OR9Q1: variants seen among roughly 807,000 people sequenced by gnomAD.
OR9Q1 encodes the protein olfactory receptor family 9 subfamily Q member 1.
For synonymous variants in OR9Q1, 153 were observed against 148.6 expected, an observed-to-expected ratio of 1.03 and a Z score of -0.22; for missense variants, 374 against 378.8, an observed-to-expected ratio of 0.99 and a Z score of 0.11.
rs556974291 is a variant in OR9Q1, at chr11:58,056,293, A to G, written c.-15+346A>G. On this transcript the variant is annotated intron_variant, in intron 2 of 2. Coordinates refer to ENST00000335397, the MANE Select transcript of OR9Q1 (RefSeq NM_001005212.4). ...AGAGCCAGTTCTCTCTGTTGGACCT[A>G]GACCTCTGGTATCTTTAATAAGAGT... 4.5e-4 allele frequency among the ~76,000 whole-genome samples: 69 copies of G among 152,274 alleles called. 2 individuals carry two copies. In the South Asian group the frequency reaches 0.014, roughly 31 times the overall value.
intron 2 of OR9Q1, among the ~76,000 whole-genome samples, chr11:58,071,490 A>G (rs1277158882): frequency 1.3e-5 from 2 of 151,994 alleles, no homozygotes; most frequent in Non-Finnish European, 2.9e-5. Flanking sequence ...TAAAAAAAAA[A>G]TAAAATAAAA....
At chr11:58,037,110 C>A (rs940528867) in intron 1 of OR9Q1, among the ~76,000 whole-genome samples, 8 of 152,194 alleles carry the variant, frequency 5.3e-5, no homozygotes, top group African/African-American at 1.9e-4. Context: ...TCAGCAACCA[C>A]CACCCTGATT....
At chr11:58,116,967 T>C (rs1206265738) in intron 2 of OR9Q1, 1 of 152,208 alleles carries the variant, frequency 6.6e-6, no homozygotes, top group Non-Finnish European at 1.5e-5. Flanking sequence ...CCTTTCCAGG[T>C]AAGTACTCGT....
At chr11:58,027,123 G>A (rs1009965685) in intron 1 of OR9Q1, among the ~76,000 whole-genome samples, 3 of 152,202 alleles carry the variant, frequency 2.0e-5, no homozygotes, top group Admixed American at 2.0e-4. Flanking sequence ...AGGGTAGGGG[G>A]AGCAGTAAGG....
intron 1 of OR9Q1, among the ~76,000 whole-genome samples, chr11:58,053,632 A>ATATATATATTATATATACATAAAT: frequency 8.4e-6 from 1 of 118,682 alleles, no homozygotes; most frequent in South Asian, 2.5e-4. Context: ...TATATAAAAT[A>ATATATATATTATATATACATAAAT]TATATATATA....
intron 2 of OR9Q1, among the ~76,000 whole-genome samples, chr11:58,062,370 A>G (rs1162534091): frequency 2.0e-5 from 3 of 152,200 alleles, no homozygotes; most frequent in Non-Finnish European, 4.4e-5. Flanking sequence ...TGATTGGGTT[A>G]TCATCTATCT....
At chr11:58,057,026 A>C (rs1853335569) in intron 2 of OR9Q1, among the ~76,000 whole-genome samples, 2 of 115,850 alleles carry the variant, frequency 1.7e-5, no homozygotes, top group African/African-American at 3.5e-5. Flanking sequence ...ATGGAGTCTC[A>C]CTCTGTCACC....
chr11:58,136,720 A>G (rs990345421), intron 2 of OR9Q1, among the ~76,000 whole-genome samples: 2 of 152,194 alleles, frequency 1.3e-5, no homozygotes, highest in Non-Finnish European at 2.9e-5. Flanking sequence ...TCTTTAAAAT[A>G]TTCCTCTGCC....
chr11:58,180,287 C>G lies in OR9Q1; in HGVS notation c.843C>G (p.Ile281Met), dbSNP rs201750936. 1 of 1,613,846 alleles carries G rather than the reference C, an allele frequency of 6.2e-7. No individual in the cohort carries two copies. The highest frequency in any genetic ancestry group is 8.5e-7 in the Non-Finnish European group (1 of 1,179,772). ...TGTCTGTGCTTTACACAGAGGTCAT[C>G]CCCATGTTGAATCCCCTCATCTACA... Reference protein sequence around the residue: ...RVVSVLYTEVIPMLNPLIYSL... With the variant: ...RVVSVLYTEVMPMLNPLIYSL... The change falls in exon 3 of 3, where the codon ATC becomes ATG. Residue 281 changes from isoleucine (I) to methionine (M), a missense_variant. Physicochemically the swap from Ile to Met is conservative, Grantham distance 10 (BLOSUM62 1). Coordinates refer to ENST00000335397, the MANE Select transcript of OR9Q1 (RefSeq NM_001005212.4).
rs150069427 is a variant in OR9Q1 at position 58,094,450 on chromosome 11, A to G, written c.-15+38503A>G. Among the ~76,000 whole-genome samples the G allele has an allele frequency of 4.1e-4, 63 of 152,316 alleles. No homozygotes were observed. The East Asian group carries it at 0.01, about 24-fold the overall frequency. ...TTAAGTTTATATAATACCGCCCTCA[A>G]AATACATCTACAACAAAACAGTGTT... On this transcript the variant is annotated intron_variant, in intron 2 of 2. Coordinates refer to ENST00000335397, the MANE Select transcript of OR9Q1 (RefSeq NM_001005212.4).
intron 1 of OR9Q1, among the ~76,000 whole-genome samples, chr11:58,035,634 T>G (rs1049836417): frequency 6.6e-6 from 1 of 152,170 alleles, no homozygotes; most frequent in African/African-American, 2.4e-5. Flanking sequence ...AAGACATATT[T>G]TCCTTAGGGG....
At position 58,026,133 on chromosome 11, in the gene OR9Q1, A is replaced by G. The variant is rs183703722; in HGVS notation, c.-93+2029A>G. 2.0e-3 allele frequency among the ~76,000 whole-genome samples: 306 copies of G among 152,346 alleles called. 2 individuals are homozygous for G. The highest frequency in any genetic ancestry group is 1.7e-3 in the Non-Finnish European group (114 of 68,036). On this transcript the variant is annotated intron_variant, in intron 1 of 2. Coordinates refer to ENST00000335397, the MANE Select transcript of OR9Q1 (RefSeq NM_001005212.4). ...ATCTTTCCTAAAAGACACAGTTCTT[A>G]AAAGGCAGGACTTGCAACTCATTTT... is the stretch of plus-strand genomic sequence containing the variant.
chr11:58,148,705 T>A (rs1175072083), intron 2 of OR9Q1, among the ~76,000 whole-genome samples: 1 of 152,184 alleles, frequency 6.6e-6, no homozygotes, highest in African/African-American at 2.4e-5. Flanking sequence ...AGTTTTTGAA[T>A]CTCATTTTGC....
chr11:58,145,900 G>A (rs1347162192), intron 2 of OR9Q1, among the ~76,000 whole-genome samples: 3 of 151,976 alleles, frequency 2.0e-5, no homozygotes, highest in Non-Finnish European at 4.4e-5. Flanking sequence ...TATCAGCTTT[G>A]ATGAAAGAAA....
At chr11:58,065,867 C>T (rs558821397) in intron 2 of OR9Q1, among the ~76,000 whole-genome samples, 1 of 152,288 alleles carries the variant, frequency 6.6e-6, no homozygotes, top group South Asian at 2.1e-4. Context: ...GTTCCTACTG[C>T]CGGGTCTTGG....
intron 2 of OR9Q1, among the ~76,000 whole-genome samples, chr11:58,083,332 G>C (rs1590578917): frequency 6.6e-6 from 1 of 151,738 alleles, no homozygotes; most frequent in African/African-American, 2.4e-5. Context: ...TTTTCTGCTT[G>C]TTGATTTCTG....
chr11:58,039,051 A>G (rs1356791123), intron 1 of OR9Q1, among the ~76,000 whole-genome samples: 1 of 152,054 alleles, frequency 6.6e-6, no homozygotes, highest in Non-Finnish European at 1.5e-5. Flanking sequence ...GTGCAGTGGC[A>G]CAATCTTGGC....
chr11:58,082,743 T>TAATAATAATAAC (rs1565071248), intron 2 of OR9Q1, among the ~76,000 whole-genome samples: 1 of 52,724 alleles, frequency 1.9e-5, no homozygotes, highest in African/African-American at 4.5e-5. Flanking sequence ...ACTTAAAGTA[T>TAATAATAATAAC]AATAATAATA....
At chr11:58,044,831 T>A (rs1265188618) in intron 1 of OR9Q1, 5 of 152,176 alleles carry the variant, frequency 3.3e-5, no homozygotes, top group African/African-American at 1.2e-4. Context: ...GCCTTGGGCT[T>A]AACATCTCTA....
Sources: gnomAD v4.1 joint callset for allele counts (sites outside exome capture counted in the v4.1 genomes callset) on GRCh38, gnomAD v4.1.1 for gene constraint, MANE v1.5 for transcripts, NCBI Gene and HGNC (gene_info 2026-07-23, HGNC 2026-07-21) for gene names.